Variants in YAP1 observed in about 807,000 individuals in gnomAD.
YAP1 encodes Yes1 associated transcriptional regulator, also known as transcriptional coactivator YAP1.
In YAP1, 5 loss-of-function variants were observed where a neutral mutation model predicts 56.9. That is an observed-to-expected ratio of 0.09 (90% CI 0.05 to 0.18). The LOEUF (loss-of-function observed/expected upper bound fraction) is 0.18. YAP1 is among the 10% of genes least tolerant of loss of function. YAP1 has a pLI of 1.00. For missense variants in YAP1, 539 were observed against 651.8 expected (o/e 0.83, Z 1.88); for synonymous variants, 265 against 248.1 (o/e 1.07, Z -0.64).
At chr11:102,212,349 G>A (rs1030651644) in intron 6 of YAP1, among the ~76,000 whole-genome samples, 2 of 152,126 alleles carry the variant, frequency 1.3e-5, no homozygotes, top group Admixed American at 1.3e-4. Context: ...TGTGGCTGTT[G>A]TAGGGTGCTG....
At chr11:102,151,042 C>G (rs562992253) in intron 2 of YAP1, among the ~76,000 whole-genome samples, 1 of 151,992 alleles carries the variant, frequency 6.6e-6, no homozygotes, top group Non-Finnish European at 1.5e-5. Context: ...CCCGTGGTTG[C>G]TGGTCTCGAA....
chr11:102,134,648 T>A (rs1435982238), intron 2 of YAP1, among the ~76,000 whole-genome samples: 1 of 152,072 alleles, frequency 6.6e-6, no homozygotes, highest in Non-Finnish European at 1.5e-5. Context: ...GTCTTCCACG[T>A]ACCTCTCACA....
chr11:102,176,299 T>G (rs900549822), intron 3 of YAP1, among the ~76,000 whole-genome samples: 6 of 152,164 alleles, frequency 3.9e-5, no homozygotes, highest in African/African-American at 1.4e-4. Flanking sequence ...CCACATAGCT[T>G]ATAGTTAAAC....
At chr11:102,216,177 G>A (rs539619919) in intron 6 of YAP1, among the ~76,000 whole-genome samples, 42 of 152,234 alleles carry the variant, frequency 2.8e-4, no homozygotes, top group African/African-American at 9.9e-4. Context: ...CTTCTGGGGA[G>A]GAACAGTTAA....
chr11:102,167,132 T>C (rs959236516), intron 3 of YAP1, among the ~76,000 whole-genome samples: 12 of 152,158 alleles, frequency 7.9e-5, no homozygotes, highest in Admixed American at 7.9e-4. Context: ...TTTCCAAATA[T>C]CTATAACTGA....
intron 1 of YAP1, among the ~76,000 whole-genome samples, chr11:102,113,159 GAATCTAGGA>G (rs956674426): frequency 6.6e-6 from 1 of 152,042 alleles, no homozygotes; most frequent in Non-Finnish European, 1.5e-5. Context: ...TTACCTTTGT[GAATCTAGGA>G]AATTCTAACT....
intron 1 of YAP1, among the ~76,000 whole-genome samples, chr11:102,112,229 G>T (rs1329004094): frequency 6.6e-6 from 1 of 152,176 alleles, no homozygotes; most frequent in Non-Finnish European, 1.5e-5. Flanking sequence ...CTAATTCTAG[G>T]ATCGCCATTG....
At chr11:102,145,917 A>G (rs573996131) in intron 2 of YAP1, among the ~76,000 whole-genome samples, 14 of 152,330 alleles carry the variant, frequency 9.2e-5, no homozygotes, top group African/African-American at 2.2e-4. Context: ...TTTCAGGACA[A>G]AAGTGGCTAT....
At chr11:102,152,683 A>G (rs1422408675) in intron 2 of YAP1, among the ~76,000 whole-genome samples, 1 of 152,234 alleles carries the variant, frequency 6.6e-6, no homozygotes, top group Non-Finnish European at 1.5e-5. Flanking sequence ...AAGCCATTCA[A>G]AAGGTTAAAC....
chr11:102,225,182 T>TAA (rs5794160), intron 7 of YAP1, among the ~76,000 whole-genome samples: 167 of 146,998 alleles, frequency 1.1e-3, no homozygotes, highest in Non-Finnish European at 1.8e-3. Context: ...TTTTTTTCTT[T>TAA]AAAAAAAAAA....
Position 102,138,127 on chromosome 11 carries a change from C to T in YAP1, c.572+23733C>T, listed in dbSNP as rs528721160. Reference sequence around the variant, plus strand: ...GTCTCAAACTCCTGACCCTGTGATCCGCCTGCCTTGGCCTCCCAAAGTGCT... The same window carrying T: ...GTCTCAAACTCCTGACCCTGTGATCTGCCTGCCTTGGCCTCCCAAAGTGCT... On this transcript the variant is annotated intron_variant, in intron 2 of 8. Coordinates refer to ENST00000282441, the MANE Select transcript of YAP1 (RefSeq NM_001130145.3). Among the ~76,000 whole-genome samples the T allele has an allele frequency of 1.5e-4, 22 of 150,466 alleles. No homozygotes were observed. In the South Asian group the frequency reaches 1.9e-3, roughly 13 times the overall value.
intron 4 of YAP1, among the ~76,000 whole-genome samples, chr11:102,195,150 G>C (rs918655597): frequency 6.6e-6 from 1 of 152,020 alleles, no homozygotes; most frequent in Non-Finnish European, 1.5e-5. Context: ...CTGTGCTCTG[G>C]GGACAAAGAG....
chr11:102,112,254 T>C lies in YAP1; in HGVS notation c.321+1085T>C, dbSNP rs115727821. ...GATCGCCATTGCTTTTTAATTCTTA[T>C]TGCGGATATGAACATGGCTGCTATT... is the stretch of plus-strand genomic sequence containing the variant. On this transcript the variant is annotated intron_variant, in intron 1 of 8. Coordinates refer to ENST00000282441, the MANE Select transcript of YAP1 (RefSeq NM_001130145.3). Among the ~76,000 whole-genome samples the C allele has an allele frequency of 4.5e-3, 693 of 152,328 alleles. 8 individuals carry two copies. The highest frequency in any genetic ancestry group is 0.015 in the African/African-American group (632 of 41,570).
chr11:102,148,603 A>G (rs1358235375), intron 2 of YAP1, among the ~76,000 whole-genome samples: 5 of 152,178 alleles, frequency 3.3e-5, no homozygotes, highest in African/African-American at 9.7e-5. Context: ...GGGGGTAACC[A>G]TACAGCACTA....
At chr11:102,182,607 GAAT>G (rs1022741499) in intron 3 of YAP1, among the ~76,000 whole-genome samples, 7 of 152,084 alleles carry the variant, frequency 4.6e-5, no homozygotes, top group African/African-American at 1.7e-4. Context: ...CTTTTTTTGT[GAAT>G]AAAGCCTTTA....
chr11:102,171,922 G>A (rs1477788707), intron 3 of YAP1, among the ~76,000 whole-genome samples: 1 of 152,124 alleles, frequency 6.6e-6, no homozygotes, highest in Non-Finnish European at 1.5e-5. Flanking sequence ...AGGCGTGGTG[G>A]CTCACACTTG....
chr11:102,173,744 C>G (rs919922284), intron 3 of YAP1, among the ~76,000 whole-genome samples: 10 of 152,168 alleles, frequency 6.6e-5, no homozygotes, highest in Admixed American at 4.6e-4. Context: ...TGAATCTAAA[C>G]CCTTTATAGT....
At chr11:102,170,973 A>C (rs1045073451) in intron 3 of YAP1, among the ~76,000 whole-genome samples, 46 of 152,210 alleles carry the variant, frequency 3.0e-4, no homozygotes, top group African/African-American at 1.0e-3. Context: ...TCTCAAAAAA[A>C]AAAAAAAGAA....
intron 4 of YAP1, among the ~76,000 whole-genome samples, chr11:102,200,799 T>C (rs575429098): frequency 7.4e-4 from 113 of 152,278 alleles, no homozygotes; most frequent in Middle Eastern, 3.4e-3. Flanking sequence ...AGGAAAATTA[T>C]TGGTAACTTA....
Sources: allele counts gnomAD v4.1 joint callset (sites outside exome capture counted in the v4.1 genomes callset), GRCh38; gene constraint gnomAD v4.1.1; transcripts MANE v1.5; gene names NCBI Gene and HGNC (gene_info 2026-07-23, HGNC 2026-07-21).